The following CDH12 variants were observed in gnomAD, a reference collection of about 807,000 sequenced individuals.
CDH12 encodes cadherin 12.
CDH12 carries 41 observed loss-of-function variants against 74.1 expected under a neutral mutation model. The ratio of observed to expected loss-of-function variants is 0.55; its 90% CI spans 0.43 to 0.72. CDH12 has a LOEUF of 0.72. Ranked by LOEUF, CDH12 falls within the 30% of genes least tolerant of loss-of-function variation. The probability of loss-of-function intolerance (pLI) is 0.00; values close to 1 mark genes in which losing one functional copy is unlikely to be tolerated. For synonymous variants in CDH12, 399 were observed against 355.0 expected (o/e 1.12, Z -1.39); for missense variants, 945 against 977.2 (o/e 0.97, Z 0.44).
At chr5:22,147,525 G>A (rs1277103957) in intron 4 of CDH12, among the ~76,000 whole-genome samples, 1 of 151,270 alleles carries the variant, frequency 6.6e-6, no homozygotes, top group African/African-American at 2.4e-5. Flanking sequence ...TTTTTGAAAA[G>A]TATCTGTATT....
rs1017084555 is a variant in CDH12 at position 22,523,559 on chromosome 5, C to T, written c.-522-18195G>A. ...AATATTTCAGGTTCCACGTGTACAC[C>T]GTTATTTATAGTCAGTGTCCTTTTT... is the stretch of plus-strand genomic sequence containing the variant. On this transcript the variant is annotated intron_variant, in intron 1 of 14. Transcript: ENST00000382254. Among the ~76,000 whole-genome samples the T allele has an allele frequency of 5.3e-5, 8 of 152,110 alleles. No individual in the cohort carries two copies. The South Asian group carries it at 6.2e-4, about 12-fold the overall frequency.
intron 1 of CDH12, among the ~76,000 whole-genome samples, chr5:22,801,611 T>C (rs1748516179): frequency 1.5e-5 from 2 of 131,260 alleles, no homozygotes; most frequent in South Asian, 2.5e-4. Flanking sequence ...AAGTTTATAT[T>C]TACAATTACC....
chr5:22,442,600 T>C, intron 2 of CDH12, among the ~76,000 whole-genome samples: 1 of 152,222 alleles, frequency 6.6e-6, no homozygotes, highest in East Asian at 1.9e-4. Flanking sequence ...TAGCTACCTT[T>C]GTGATCACCC....
At chr5:22,454,932 G>A (rs1206875423) in intron 2 of CDH12, among the ~76,000 whole-genome samples, 2 of 152,152 alleles carry the variant, frequency 1.3e-5, no homozygotes, top group African/African-American at 4.8e-5. Context: ...CAAACATTCA[G>A]ATGATAACAA....
At chr5:22,097,821 G>T (rs753413872) in intron 4 of CDH12, among the ~76,000 whole-genome samples, 5 of 151,970 alleles carry the variant, frequency 3.3e-5, no homozygotes, top group Non-Finnish European at 7.4e-5. Context: ...CCTGCTCAAT[G>T]CCAACATCCC....
intron 3 of CDH12, among the ~76,000 whole-genome samples, chr5:22,281,283 C>T (rs781230570): frequency 5.3e-5 from 8 of 151,994 alleles, no homozygotes; most frequent in South Asian, 2.1e-4. Context: ...GAATGGGCAA[C>T]ACCTGGAAGA....
chr5:21,753,974 G>A (rs574446298), intron 14 of CDH12, among the ~76,000 whole-genome samples: 1 of 152,140 alleles, frequency 6.6e-6, no homozygotes, highest in Admixed American at 6.6e-5. Context: ...TAAACTATGT[G>A]TGTGTTCAAG....
chr5:22,618,264 A>G (rs1561531679), intron 1 of CDH12, among the ~76,000 whole-genome samples: 1 of 152,250 alleles, frequency 6.6e-6, no homozygotes, highest in South Asian at 2.1e-4. Context: ...TGCTATGACC[A>G]CAAGTTGAGA....
At chr5:22,383,813 T>C (rs1337176254) in intron 3 of CDH12, among the ~76,000 whole-genome samples, 1 of 152,174 alleles carries the variant, frequency 6.6e-6, no homozygotes, top group Admixed American at 6.5e-5. Flanking sequence ...GCAGAAATCA[T>C]TCACATTTGG....
chr5:22,492,151 C>T (rs992092010), intron 2 of CDH12, among the ~76,000 whole-genome samples: 3 of 152,080 alleles, frequency 2.0e-5, no homozygotes, highest in African/African-American at 2.4e-5. Context: ...CTGGCAGAAG[C>T]ACAGATAACA....
At chr5:22,350,512 G>A (rs1024405062) in intron 3 of CDH12, among the ~76,000 whole-genome samples, 8 of 152,134 alleles carry the variant, frequency 5.3e-5, no homozygotes, top group Admixed American at 1.3e-4. Flanking sequence ...CAATGAGATA[G>A]TCCAGTGGTA....
At chr5:22,474,986 T>C (rs1746109557) in intron 2 of CDH12, among the ~76,000 whole-genome samples, 1 of 151,658 alleles carries the variant, frequency 6.6e-6, no homozygotes. Flanking sequence ...GTTAGATAGA[T>C]GAGGTCCCAT....
intron 6 of CDH12, among the ~76,000 whole-genome samples, chr5:21,937,454 A>G (rs1755123623): frequency 6.6e-6 from 1 of 152,220 alleles, no homozygotes; most frequent in Admixed American, 6.5e-5. Context: ...ACCCTGGCAC[A>G]TGGAGGATGC....
chr5:22,100,684 C>CACACACACAT (rs1485014579), intron 4 of CDH12, among the ~76,000 whole-genome samples: 1 of 151,716 alleles, frequency 6.6e-6, no homozygotes. Context: ...CACACACACA[C>CACACACACAT]ACATACACTC....
At chr5:22,669,231 C>T (rs535388710) in intron 1 of CDH12, among the ~76,000 whole-genome samples, 18 of 152,146 alleles carry the variant, frequency 1.2e-4, no homozygotes, top group Admixed American at 1.3e-4. Context: ...AAACTTCAAC[C>T]CAGGAACTGT....
At chr5:21,936,201 T>G (rs1195956431) in intron 6 of CDH12, among the ~76,000 whole-genome samples, 1 of 152,170 alleles carries the variant, frequency 6.6e-6, no homozygotes, top group Non-Finnish European at 1.5e-5. Flanking sequence ...TAATGTACAT[T>G]CCCACTGACA....
rs80072685 is a variant in CDH12, at chr5:22,611,922, C to T, written c.-522-106558G>A. Reference sequence around the variant, plus strand: ...CCCTTTTCCTAGCTTCTACCCTATCCTCTAATTTGCTTTCCAATTTAAACC... The same window carrying T: ...CCCTTTTCCTAGCTTCTACCCTATCTTCTAATTTGCTTTCCAATTTAAACC... On this transcript the variant is annotated intron_variant, in intron 1 of 14. Transcript: ENST00000382254. Among the ~76,000 whole-genome samples, 1,083 of 152,230 alleles carry T rather than the reference C, an allele frequency of 7.1e-3. 7 individuals carry two copies. The highest frequency in any genetic ancestry group is 0.012 in the Non-Finnish European group (845 of 67,998).
intron 3 of CDH12, among the ~76,000 whole-genome samples, chr5:22,237,136 C>A (rs1321808738): frequency 6.6e-6 from 1 of 152,002 alleles, no homozygotes; most frequent in African/African-American, 2.4e-5. Flanking sequence ...TTGTTTACAC[C>A]AGCAGCACCG....
chr5:22,353,066 G>A (rs572750399), intron 3 of CDH12, among the ~76,000 whole-genome samples: 10 of 152,228 alleles, frequency 6.6e-5, no homozygotes, highest in African/African-American at 2.4e-4. Flanking sequence ...GGATTACCAT[G>A]ACACAATTTG....
Sources: allele counts gnomAD v4.1 joint callset (sites outside exome capture counted in the v4.1 genomes callset), GRCh38; gene constraint gnomAD v4.1.1; transcripts MANE v1.5; gene names NCBI Gene and HGNC (gene_info 2026-07-23, HGNC 2026-07-21).